PRELID2: variants seen among roughly 807,000 people sequenced by gnomAD.
The protein encoded by PRELID2 is PRELI domain-containing protein 2.
Under a neutral mutation model 28.4 loss-of-function variants are expected in PRELID2, and 25 were observed. The ratio of observed to expected loss-of-function variants is 0.88; its 90% CI spans 0.64 to 1.23. PRELID2 has a LOEUF of 1.23. PRELID2 is among the 50% of genes most tolerant of loss of function. PRELID2 has a pLI of 0.00. For missense variants in PRELID2, 201 were observed against 214.4 expected, an observed-to-expected ratio of 0.94 and a Z score of 0.39; for synonymous variants, 76 against 71.6, an observed-to-expected ratio of 1.06 and a Z score of -0.31.
chr5:145,411,521 G>C, the PRELID2 span, among the ~76,000 whole-genome samples: 1 of 152,184 alleles, frequency 6.6e-6, no homozygotes, highest in Non-Finnish European at 1.5e-5. Flanking sequence ...ACACCCTTGG[G>C]CAACTCTGCC....
At chr5:145,411,981 G>T in the PRELID2 span, among the ~76,000 whole-genome samples, 1 of 152,176 alleles carries the variant, frequency 6.6e-6, no homozygotes, top group Non-Finnish European at 1.5e-5. Context: ...GAGCAGCTGG[G>T]ATGCAGGGTA....
chr5:145,737,834 G>C (rs968667432), intron 1 of PRELID2, among the ~76,000 whole-genome samples: 1 of 152,204 alleles, frequency 6.6e-6, no homozygotes, highest in Non-Finnish European at 1.5e-5. Flanking sequence ...AGACCTAGTA[G>C]GGAGTTGGAA....
At chr5:145,589,709 C>T (rs1753202572) in intron 1 of PRELID2, among the ~76,000 whole-genome samples, 1 of 151,990 alleles carries the variant, frequency 6.6e-6, no homozygotes, top group Non-Finnish European at 1.5e-5. Flanking sequence ...AGACATTTTT[C>T]TAACTGTTTT....
chr5:145,641,079 C>A (rs1290715729), intron 1 of PRELID2, among the ~76,000 whole-genome samples: 3 of 152,026 alleles, frequency 2.0e-5, no homozygotes, highest in Non-Finnish European at 4.4e-5. Context: ...AATACACTTA[C>A]AATATTGGGG....
intron 1 of PRELID2, among the ~76,000 whole-genome samples, chr5:145,501,550 T>C (rs1278442994): frequency 6.6e-6 from 1 of 152,162 alleles, no homozygotes; most frequent in Non-Finnish European, 1.5e-5. Flanking sequence ...TGAGAGCTGA[T>C]GGTTTTATAA....
chr5:145,653,046 A>G (rs1754326241), intron 1 of PRELID2, among the ~76,000 whole-genome samples: 1 of 152,202 alleles, frequency 6.6e-6, no homozygotes. Flanking sequence ...AAATAAAGGG[A>G]TGGAAGAAGA....
chr5:145,642,649 G>A (rs544601526), intron 1 of PRELID2, among the ~76,000 whole-genome samples: 217 of 152,282 alleles, frequency 1.4e-3, no homozygotes, highest in African/African-American at 5.1e-3. Context: ...ATGGTTTTAG[G>A]TCTTACATTT....
intron 1 of PRELID2, among the ~76,000 whole-genome samples, chr5:145,697,330 C>T (rs1755302276): frequency 6.6e-6 from 1 of 151,860 alleles, no homozygotes; most frequent in South Asian, 2.1e-4. Flanking sequence ...GGAGTCAGTG[C>T]ATTCACAGGT....
intron 1 of PRELID2, among the ~76,000 whole-genome samples, chr5:145,685,142 T>C (rs1755011350): frequency 6.6e-6 from 1 of 152,182 alleles, no homozygotes; most frequent in Non-Finnish European, 1.5e-5. Context: ...TGTTTTCAGC[T>C]TTGCCCCTAA....
At chr5:145,387,245 T>A in the PRELID2 span, among the ~76,000 whole-genome samples, 1 of 152,092 alleles carries the variant, frequency 6.6e-6, no homozygotes, top group Non-Finnish European at 1.5e-5. Flanking sequence ...TAAATAGGAA[T>A]GTAGATGCAT....
At chr5:145,810,585 A>T (rs1753860431) in intron 4 of PRELID2, among the ~76,000 whole-genome samples, 1 of 152,258 alleles carries the variant, frequency 6.6e-6, no homozygotes, top group African/African-American at 2.4e-5. Flanking sequence ...ATATTTCTGC[A>T]GTGTAACAGT....
At chr5:145,425,904 CCA>C in the PRELID2 span, among the ~76,000 whole-genome samples, 1 of 152,084 alleles carries the variant, frequency 6.6e-6, no homozygotes. Flanking sequence ...CTTCCCACTC[CCA>C]CACAGCCTTC....
At chr5:145,551,271 C>G (rs1031068693) in intron 1 of PRELID2, among the ~76,000 whole-genome samples, 2 of 151,840 alleles carry the variant, frequency 1.3e-5, no homozygotes, top group African/African-American at 4.8e-5. Context: ...TGTGGTGGCG[C>G]GTGTCTGTAA....
the PRELID2 span, among the ~76,000 whole-genome samples, chr5:145,323,525 G>T: frequency 6.6e-6 from 1 of 152,246 alleles, no homozygotes; most frequent in Admixed American, 6.5e-5. Flanking sequence ...TAGCTAAATT[G>T]CATGTTGTGG....
chr5:145,466,505 C>A, the PRELID2 span, among the ~76,000 whole-genome samples: 2 of 152,028 alleles, frequency 1.3e-5, no homozygotes. Context: ...TTTTGTATGT[C>A]TATCTATTTA....
the PRELID2 span, among the ~76,000 whole-genome samples, chr5:145,325,075 C>T: frequency 6.6e-6 from 1 of 151,864 alleles, no homozygotes; most frequent in South Asian, 2.1e-4. Flanking sequence ...TTCCTATAAG[C>T]AATAATTAAA....
the PRELID2 span, among the ~76,000 whole-genome samples, chr5:145,352,566 G>C: frequency 6.6e-6 from 1 of 152,128 alleles, no homozygotes; most frequent in Non-Finnish European, 1.5e-5. Context: ...CTGCTGTGGA[G>C]GTTTCTGACA....
At chr5:145,340,505 T>C in the PRELID2 span, among the ~76,000 whole-genome samples, 1 of 152,072 alleles carries the variant, frequency 6.6e-6, no homozygotes, top group South Asian at 2.1e-4. Flanking sequence ...TGGTGGCTCA[T>C]GCCTGTAATC....
intron 1 of PRELID2, among the ~76,000 whole-genome samples, chr5:145,619,966 A>G (rs556613583): frequency 2.6e-5 from 4 of 152,252 alleles, no homozygotes; most frequent in Non-Finnish European, 5.9e-5. Flanking sequence ...AATTTCAAGT[A>G]TTGATGGAAT....
Sources: allele counts gnomAD v4.1 joint callset (sites outside exome capture counted in the v4.1 genomes callset), GRCh38; gene constraint gnomAD v4.1.1; transcripts MANE v1.5; gene names NCBI Gene and HGNC (gene_info 2026-07-23, HGNC 2026-07-21).